The following KPNA5 variants were observed in gnomAD, a reference collection of about 807,000 sequenced individuals.
KPNA5 encodes the protein importin subunit alpha-6.
A neutral mutation model predicts 71.3 loss-of-function variants in KPNA5; 46 were observed. The observed-to-expected ratio is 0.65, with a 90% CI of 0.51 to 0.83. The LOEUF is 0.83. Ranked by LOEUF, KPNA5 falls within the 40% of genes least tolerant of loss-of-function variation. The pLI, the probability that KPNA5 is intolerant of heterozygous loss-of-function variation, is 0.00. For synonymous variants in KPNA5, 207 were observed against 201.4 expected, an observed-to-expected ratio of 1.03 and a Z score of -0.24; for missense variants, 547 against 628.3, an observed-to-expected ratio of 0.87 and a Z score of 1.38.
At chr6:116,720,204 A>G (rs1303806470) in intron 8 of KPNA5, among the ~76,000 whole-genome samples, 2 of 152,144 alleles carry the variant, frequency 1.3e-5, no homozygotes, top group Non-Finnish European at 2.9e-5. Flanking sequence ...TCTGATTTCT[A>G]AGCATTTGGA....
chr6:116,715,893 T>C (rs1035897018), intron 7 of KPNA5, among the ~76,000 whole-genome samples: 1 of 151,202 alleles, frequency 6.6e-6, no homozygotes, highest in African/African-American at 2.4e-5. Context: ...CCAGCATGGG[T>C]GACAGAGTGA....
intron 1 of KPNA5, chr6:116,681,563 A>G (rs1336101268): frequency 2.3e-6 from 3 of 1,309,786 alleles, no homozygotes; most frequent in East Asian, 3.3e-5. Context: ...GTGAGTTCAG[A>G]TTCTTTCAGC....
intron 7 of KPNA5, among the ~76,000 whole-genome samples, chr6:116,710,082 G>C (rs1778597828): frequency 6.6e-6 from 1 of 152,072 alleles, no homozygotes; most frequent in Non-Finnish European, 1.5e-5. Flanking sequence ...TATCATAAAA[G>C]GATGTTGAGC....
chr6:116,712,015 C>T (rs1364170173), intron 7 of KPNA5, among the ~76,000 whole-genome samples: 1 of 152,178 alleles, frequency 6.6e-6, no homozygotes, highest in African/African-American at 2.4e-5. Flanking sequence ...GCAGCCTCGG[C>T]TCATTGAACC....
chr6:116,691,902 A>C (rs371510146), intron 2 of KPNA5, among the ~76,000 whole-genome samples, 153 bp from the exon 3 acceptor site: 2 of 152,248 alleles, frequency 1.3e-5, no homozygotes, highest in Admixed American at 6.5e-5. Flanking sequence ...AGATCTTCCT[A>C]GTATAATGAT....
Position 116,732,337 on chromosome 6 carries a change from A to G in KPNA5, c.*14A>G. The G allele has an allele frequency of 6.9e-7, 1 of 1,457,644 alleles. No individual in the cohort carries two copies. The highest frequency in any genetic ancestry group is 9.1e-7 in the Non-Finnish European group (1 of 1,095,346). 90.3% of individuals were successfully genotyped at this position (1,457,644 alleles called of 1,614,324 possible). ...TTTCAACTTTAACTTACTGGAGGAAAAAAAATTTATGGCTAAAAAGGGTAG... is the reference window on the plus strand; with the variant it reads ...TTTCAACTTTAACTTACTGGAGGAAGAAAAATTTATGGCTAAAAAGGGTAG... On this transcript the variant is annotated 3_prime_UTR_variant, in exon 14 of 14. Coordinates refer to ENST00000368564, the MANE Select transcript of KPNA5 (RefSeq NM_001366306.2).
chr6:116,689,978 A>G lies in KPNA5; in HGVS notation c.138+525A>G, dbSNP rs191319041. On this transcript the variant is annotated intron_variant, in intron 2 of 13. Transcript: ENST00000368564. ...TTTATTCCAAGATGTACTTAAATGT[A>G]GAAGTATTTGTAAGTAAGTAAAATA... is the stretch of plus-strand genomic sequence containing the variant. 3.3e-5 allele frequency among the ~76,000 whole-genome samples: 5 copies of G among 152,306 alleles called. No homozygotes were observed. In the East Asian group the frequency reaches 9.6e-4, roughly 29 times the overall value.
rs1779617572 is a variant in KPNA5, at chr6:116,734,914, C to T, written c.*2591C>T. ...AAGAGGAATGCATGTAGCATTAATG[C>T]AAATATCAAGAAAATACTTGAAAGA... is the stretch of plus-strand genomic sequence containing the variant. On this transcript the variant is annotated 3_prime_UTR_variant, in exon 14 of 14. Transcript: ENST00000368564. The T allele has an allele frequency of 6.6e-6, 1 of 151,594 alleles. No individual in the cohort carries two copies. Among genetic ancestry groups the T allele is most frequent in the Non-Finnish European group, 1.5e-5 (1 of 67,696 alleles). The allele number at this position is 151,594 out of a possible 1,614,324, so 9.4% of individuals were successfully genotyped here.
At chr6:116,703,357 G>A (rs1227445845) in intron 6 of KPNA5, among the ~76,000 whole-genome samples, 2 of 151,628 alleles carry the variant, frequency 1.3e-5, no homozygotes, top group African/African-American at 4.9e-5. Context: ...CCACCTTCCA[G>A]GTTCAAGCGA....
At chr6:116,690,999 T>TG (rs1208045429) in intron 2 of KPNA5, among the ~76,000 whole-genome samples, 8 of 152,130 alleles carry the variant, frequency 5.3e-5, no homozygotes, top group African/African-American at 1.9e-4. Flanking sequence ...GAGGCCTAGG[T>TG]GGGCGGGTCA....
intron 13 of KPNA5, 40 bp downstream of exon 13, chr6:116,729,781 T>G (rs1779417217): frequency 1.6e-6 from 2 of 1,248,700 alleles, no homozygotes; most frequent in Non-Finnish European, 2.1e-6. Context: ...TAGTCAGTTC[T>G]TATATCTGTC....
chr6:116,690,075 C>T (rs1331340281), intron 2 of KPNA5, among the ~76,000 whole-genome samples: 1 of 107,496 alleles, frequency 9.3e-6, no homozygotes, highest in Non-Finnish European at 1.8e-5. Context: ...TAGAAAAGGC[C>T]TATTCTCTTC....
chr6:116,717,897 G>A lies in KPNA5; in HGVS notation c.756+1579G>A, dbSNP rs762752513. On this transcript the variant is annotated intron_variant, in intron 8 of 13. Coordinates refer to ENST00000368564, the MANE Select transcript of KPNA5 (RefSeq NM_001366306.2). ...TTTCCAATAGTGTGCCCCCCCCACC[G>A]CCAGAAAGTTATACTCCGTCATTTT... 2.0e-3 allele frequency among the ~76,000 whole-genome samples: 300 copies of A among 151,890 alleles called. 2 individuals are homozygous for A. Among genetic ancestry groups the A allele is most frequent in the Non-Finnish European group, 2.6e-4 (18 of 67,986 alleles).
intron 12 of KPNA5, among the ~76,000 whole-genome samples, chr6:116,729,289 G>A (rs1266436952): frequency 1.3e-5 from 2 of 150,662 alleles, no homozygotes; most frequent in Non-Finnish European, 2.9e-5. Context: ...AAAACAGGCC[G>A]AAGTACCAGT....
At position 116,705,060 on chromosome 6, in the gene KPNA5, T is replaced by G. The variant is rs777761871; in HGVS notation, c.568-12T>G. On this transcript the variant is annotated splice_polypyrimidine_tract_variant and intron_variant, in intron 6 of 13. Transcript: ENST00000368564. ...AAAATATTGTCTTAAGATAATTTTT[T>G]TTTTTCCTAAGGCTGTTTGGGCACT... 6.3e-7 allele frequency: 1 copy of G among 1,596,236 alleles called. No homozygotes were observed. Among genetic ancestry groups the G allele is most frequent in the Non-Finnish European group, 8.5e-7 (1 of 1,171,840 alleles).
intron 6 of KPNA5, 118 bp downstream of exon 6, chr6:116,702,268 T>A: frequency 9.8e-7 from 1 of 1,022,732 alleles, no homozygotes; most frequent in East Asian, 2.5e-5. Context: ...TTGCATTAAA[T>A]TGTAGTAGTG....
chr6:116,732,289 A>G lies in KPNA5; in HGVS notation c.1586A>G (p.Gln529Arg), dbSNP rs150841721. 25 of 1,527,156 alleles carry G rather than the reference A, an allele frequency of 1.6e-5. No individual in the cohort carries two copies. The African/African-American group carries it at 3.5e-4, about 21-fold the overall frequency. 94.6% of individuals were successfully genotyped at this position (1,527,156 alleles called of 1,614,324 possible). A position where few individuals can be genotyped will look rare whatever the true frequency, so the allele number is the denominator to read the frequency against. ...AACCAACAACAGTTTATATTTCAGC[A>G]GCAGGAAGCACCAATGGATGGATTT... ...DENQQQFIFQ[Q>R]QEAPMDGFQL Residue 529 changes from glutamine to arginine, a missense_variant, in exon 14 of 14, where the codon CAG (glutamine) becomes CGG (arginine). Gln to Arg is a conservative substitution (Grantham distance 43, BLOSUM62 1). Transcript: ENST00000368564.
intron 7 of KPNA5, among the ~76,000 whole-genome samples, chr6:116,707,817 G>A (rs1562441939): frequency 6.6e-6 from 1 of 152,192 alleles, no homozygotes; most frequent in Non-Finnish European, 1.5e-5. Flanking sequence ...TTTAGTGGCA[G>A]TAAGTAGATT....
At position 116,701,933 on chromosome 6, in the gene KPNA5, C is replaced by T; in HGVS notation, c.436-86C>T. On this transcript the variant is annotated intron_variant, in intron 5 of 13. Transcript: ENST00000368564. ...AGTCAGTCTTTCACACTTGTCCTGG[C>T]AGGTCTTTACTCCCTCTCTTTCCTT... 5 of 1,202,874 alleles carry T rather than the reference C, an allele frequency of 4.2e-6. No individual in the cohort carries two copies. In the South Asian group the frequency reaches 7.6e-5, roughly 18 times the overall value. 74.5% of individuals were successfully genotyped at this position (1,202,874 alleles called of 1,614,324 possible).
Sources: gnomAD v4.1 joint callset for allele counts (sites outside exome capture counted in the v4.1 genomes callset) on GRCh38, gnomAD v4.1.1 for gene constraint, MANE v1.5 for transcripts, NCBI Gene and HGNC (gene_info 2026-07-23, HGNC 2026-07-21) for gene names.